Variants in METTL2B observed in about 807,000 individuals in gnomAD.
METTL2B encodes the protein tRNA N(3)-cytidine methyltransferase METTL2B.
Under a neutral mutation model 51.0 loss-of-function variants are expected in METTL2B, and 28 were observed. The observed-to-expected ratio is 0.55, with a 90% CI of 0.41 to 0.75. The LOEUF is 0.75. Ranked by LOEUF, METTL2B falls within the 30% of genes least tolerant of loss-of-function variation. The pLI, the probability that METTL2B is intolerant of heterozygous loss-of-function variation, is 0.00. For missense variants in METTL2B, 313 were observed against 460.7 expected (o/e 0.68, Z 2.93); for synonymous variants, 128 against 166.3 (o/e 0.77, Z 1.77).
rs990353142 is a variant in METTL2B at position 128,503,885 on chromosome 7, C to T, written c.*1969C>T. The stretch of plus-strand genomic sequence containing the variant: ...TGGTTGTGGGCGCCTGTAATCCCAG[C>T]TACTCAGGAGGCTGAGGTAGGAGAA... On this transcript the variant is annotated 3_prime_UTR_variant, in exon 9 of 9. Coordinates refer to ENST00000262432, the MANE Select transcript of METTL2B (RefSeq NM_018396.3). The T allele has an allele frequency of 1.3e-5, 2 of 152,058 alleles. No individual in the cohort carries two copies. The highest frequency in any genetic ancestry group is 2.4e-5 in the African/African-American group (1 of 41,404). 9.4% of individuals were successfully genotyped at this position (152,058 alleles called of 1,614,324 possible).
At chr7:128,484,883 A>G (rs570783579) in intron 4 of METTL2B, among the ~76,000 whole-genome samples, 34 of 152,236 alleles carry the variant, frequency 2.2e-4, no homozygotes, top group Non-Finnish European at 4.4e-4. Context: ...ACCCGGCTGT[A>G]ATACAGTGGT....
At chr7:128,501,626 A>G (rs1348349921) in intron 8 of METTL2B, 136 bp from the exon 9 acceptor site, 11 of 1,487,084 alleles carry the variant, frequency 7.4e-6, no homozygotes, top group Non-Finnish European at 9.8e-6. Context: ...CCAAGCCACC[A>G]CTGCATTTAT....
chr7:128,501,453 C>G (rs569338180), intron 8 of METTL2B: 1 of 984,280 alleles, frequency 1.0e-6, no homozygotes, highest in South Asian at 4.7e-5. Context: ...ATGATGAAAC[C>G]TCTTTCCTAA....
chr7:128,478,681 C>T (rs1330499731), intron 2 of METTL2B, among the ~76,000 whole-genome samples: 2 of 149,704 alleles, frequency 1.3e-5, no homozygotes, highest in Non-Finnish European at 3.0e-5. Flanking sequence ...CTGGCTAACA[C>T]GGTGAAACCC....
At chr7:128,491,565 G>T (rs1020002355) in intron 5 of METTL2B, among the ~76,000 whole-genome samples, 3 of 150,980 alleles carry the variant, frequency 2.0e-5, no homozygotes, top group Non-Finnish European at 4.4e-5. Flanking sequence ...TTGCACTCCA[G>T]CCTGGGCTAC....
chr7:128,500,334 A>T (rs1231116683), intron 7 of METTL2B, among the ~76,000 whole-genome samples: 1 of 152,170 alleles, frequency 6.6e-6, no homozygotes, highest in Non-Finnish European at 1.5e-5. Context: ...TAAAGAAAAA[A>T]AATAGGCCAG....
At position 128,479,147 on chromosome 7, in the gene METTL2B, A is replaced by C. The variant is rs188776443; in HGVS notation, c.203-11A>C. ...AGCTGGTTCTTAAAATTTTTTCTTA[A>C]ATATTTACAGTTGATTATGAGATCA... On this transcript the variant is annotated splice_polypyrimidine_tract_variant and intron_variant, in intron 2 of 8. Coordinates refer to ENST00000262432, the MANE Select transcript of METTL2B (RefSeq NM_018396.3). 7.6e-4 allele frequency: 1,204 copies of C among 1,577,646 alleles called. 8 individuals carry two copies. The African/African-American group carries it at 0.014, about 19-fold the overall frequency.
In METTL2B at chr7:128,498,262, T is replaced by G. The variant is rs756340996; in HGVS notation, c.916+120T>G. 4.0e-4 allele frequency: 467 copies of G among 1,173,608 alleles called. 1 individual carries two copies. Among genetic ancestry groups the G allele is most frequent in the Non-Finnish European group, 4.8e-4 (413 of 867,322 alleles). 72.7% of individuals were successfully genotyped at this position (1,173,608 alleles called of 1,614,324 possible). ...CAAGAACAGAAAACCAAACACCATATTTTCTCACTCATAAGTGGGAGTTGA... is the reference window on the plus strand; with the variant it reads ...CAAGAACAGAAAACCAAACACCATAGTTTCTCACTCATAAGTGGGAGTTGA... On this transcript the variant is annotated intron_variant, in intron 7 of 8. Transcript: ENST00000262432.
At chr7:128,490,818 A>G (rs1792814973) in intron 5 of METTL2B, among the ~76,000 whole-genome samples, 2 of 152,166 alleles carry the variant, frequency 1.3e-5, no homozygotes, top group African/African-American at 4.8e-5. Flanking sequence ...CCAATGAGAA[A>G]CAAACTCACA....
At position 128,476,844 on chromosome 7, in the gene METTL2B, G is replaced by A; in HGVS notation, c.79G>A (p.Asp27Asn). 3.7e-6 allele frequency: 6 copies of A among 1,614,070 alleles called. No homozygotes were observed. Among genetic ancestry groups the A allele is most frequent in the Non-Finnish European group, 5.1e-6 (6 of 1,179,990 alleles). Residue 27 changes from aspartate (D) to asparagine (N), a missense_variant, in exon 1 of 9, where the codon GAT (aspartate) becomes AAT (asparagine). Physicochemically the swap from Asp to Asn is conservative, Grantham distance 23 (BLOSUM62 1). Transcript: ENST00000262432. Reference protein sequence around the residue: ...RQQFGSRFLSDPARVFHHNAW... With the variant: ...RQQFGSRFLSNPARVFHHNAW... ...GCAGTTCGGAAGCCGGTTCCTGAGC[G>A]ATCCGGCGCGCGTCTTCCACCACAA...
intron 7 of METTL2B, among the ~76,000 whole-genome samples, 154 bp from the exon 8 acceptor site, chr7:128,500,749 A>T (rs1008261232): frequency 6.6e-6 from 1 of 152,184 alleles, no homozygotes; most frequent in African/African-American, 2.4e-5. Flanking sequence ...GTTTTCTGAC[A>T]TTGTGACTTA....
At chr7:128,476,927 C>T (rs1389061960) in intron 1 of METTL2B, 52 bp downstream of exon 1, 2 of 1,530,886 alleles carry the variant, frequency 1.3e-6, no homozygotes, top group Non-Finnish European at 1.8e-6. Context: ...TGTCCCGCCG[C>T]CTCGGAGCAT....
chr7:128,501,282 G>A (rs887212631), intron 8 of METTL2B: 39 of 985,320 alleles, frequency 4.0e-5, no homozygotes, highest in Admixed American at 6.2e-5. Context: ...CTCTACACGG[G>A]GTTGTGCTTT....
chr7:128,477,072 A>T lies in METTL2B; in HGVS notation c.111-10A>T. 3.1e-6 allele frequency: 5 copies of T among 1,614,088 alleles called. No individual in the cohort carries two copies. Among genetic ancestry groups the T allele is most frequent in the Non-Finnish European group, 4.2e-6 (5 of 1,180,006 alleles). ...GTGAAGCCCCTAAGCTGCCCGTTTG[A>T]TTTTCTCAGGGACAATGTGGAGTGG... is the stretch of plus-strand genomic sequence containing the variant. On this transcript the variant is annotated splice_polypyrimidine_tract_variant and intron_variant, in intron 1 of 8. Coordinates refer to ENST00000262432, the MANE Select transcript of METTL2B (RefSeq NM_018396.3).
chr7:128,494,382 G>C (rs1287393015), intron 6 of METTL2B, among the ~76,000 whole-genome samples: 1 of 152,230 alleles, frequency 6.6e-6, no homozygotes. Flanking sequence ...CATTTGTAGT[G>C]ATGTGAGCAT....
rs1231167738 is a variant in METTL2B, at chr7:128,504,500, G to C, written c.*2584G>C. On this transcript the variant is annotated 3_prime_UTR_variant, in exon 9 of 9. Transcript: ENST00000262432. Reference sequence around the variant, plus strand: ...CCCAAGTAGCTGGAATTACAGGCATGCAGCACCATTCCCAGCTAAATTTTT... The same window carrying C: ...CCCAAGTAGCTGGAATTACAGGCATCCAGCACCATTCCCAGCTAAATTTTT... 2 of 151,640 alleles carry C rather than the reference G, an allele frequency of 1.3e-5. No homozygotes were observed. The highest frequency in any genetic ancestry group is 2.9e-5 in the Non-Finnish European group (2 of 67,956). 9.4% of individuals were successfully genotyped at this position (151,640 alleles called of 1,614,324 possible).
chr7:128,494,020 C>T (rs1792882177), intron 6 of METTL2B, 77 bp downstream of exon 6: 1 of 1,540,116 alleles, frequency 6.5e-7, no homozygotes, highest in African/African-American at 1.4e-5. Flanking sequence ...AAAATAGGGT[C>T]TTGCTCCGTC....
chr7:128,484,217 C>CTTTTTTTTTTTTTTTTTTGGTTT (rs1792642540), intron 4 of METTL2B: 1 of 42,414 alleles, frequency 2.4e-5, no homozygotes, highest in African/African-American at 1.0e-4. Context: ...TGCCTAGATC[C>CTTTTTTTTTTTTTTTTTTGGTTT]TTTTTTTTTT....
intron 7 of METTL2B, among the ~76,000 whole-genome samples, chr7:128,499,685 ATT>A (rs555607752): frequency 0.19 from 24,906 of 130,990 alleles, 3,514 homozygotes; most frequent in East Asian, 0.42. Flanking sequence ...CGCCTGGCTA[ATT>A]TTTTTGTATT....
Sources: gnomAD v4.1 joint callset for allele counts (sites outside exome capture counted in the v4.1 genomes callset) on GRCh38, gnomAD v4.1.1 for gene constraint, MANE v1.5 for transcripts, NCBI Gene and HGNC (gene_info 2026-07-23, HGNC 2026-07-21) for gene names.